KIAA2012: variants seen among roughly 807,000 people sequenced by gnomAD.
KIAA2012 encodes the protein uncharacterized protein KIAA2012.
Under a neutral mutation model 150.6 loss-of-function variants are expected in KIAA2012, and 125 were observed. The observed-to-expected ratio is 0.83, with a 90% confidence interval of 0.72 to 0.96. The LOEUF (loss-of-function observed/expected upper bound fraction) is 0.96, where lower values mean the gene tolerates loss of function less well. KIAA2012 is among the 40% of genes least tolerant of loss of function. The pLI is 0.00. For missense variants in KIAA2012, 1,219 were observed against 1,354.9 expected (o/e 0.90, Z 1.57); for synonymous variants, 462 against 504.7 (o/e 0.92, Z 1.13).
At chr2:202,177,484 C>A (rs1016765672) in intron 15 of KIAA2012, among the ~76,000 whole-genome samples, 2 of 152,156 alleles carry the variant, frequency 1.3e-5, no homozygotes, top group Non-Finnish European at 2.9e-5. Flanking sequence ...GATCAAGATG[C>A]AGGTTTCTTA....
chr2:202,204,767 C>T (rs1349824977), intron 23 of KIAA2012, among the ~76,000 whole-genome samples: 1 of 152,160 alleles, frequency 6.6e-6, no homozygotes, highest in Non-Finnish European at 1.5e-5. Flanking sequence ...AACAGTCAAA[C>T]ACTAGATAGT....
chr2:202,092,511 A>G (rs1483592608), intron 3 of KIAA2012, among the ~76,000 whole-genome samples: 2 of 152,230 alleles, frequency 1.3e-5, no homozygotes, highest in African/African-American at 4.8e-5. Flanking sequence ...ACAGAACACA[A>G]GAGAGCTTTG....
chr2:202,098,933 G>A (rs145662881), intron 5 of KIAA2012, among the ~76,000 whole-genome samples: 1 of 150,634 alleles, frequency 6.6e-6, no homozygotes, highest in African/African-American at 2.4e-5. Flanking sequence ...AAGGAGAAGA[G>A]GAAAGGGGGA....
In KIAA2012 at chr2:202,105,803, C is replaced by A. The variant is rs981652755; in HGVS notation, c.1367C>A (p.Ser456Tyr). 1 of 1,550,546 alleles carries A rather than the reference C, an allele frequency of 6.4e-7. No individual in the cohort carries two copies. Among genetic ancestry groups the A allele is most frequent in the African/African-American group, 1.4e-5 (1 of 73,046 alleles). The change falls in exon 9 of 24, where the codon TCC becomes TAC. Residue 456 changes from serine to tyrosine, a missense_variant. Ser to Tyr is a moderately radical substitution (Grantham distance 144). Coordinates refer to ENST00000498697, the MANE Select transcript of KIAA2012 (RefSeq NM_001277372.4). ...TCAGAACCAGAAAGCAGCGAAGAAT[C>A]CACACCTGTGTGGAGACCTCCCCTG... Reference protein sequence around the residue: ...PESEPESSEESTPVWRPPLKH... With the variant: ...PESEPESSEEYTPVWRPPLKH...
chr2:202,158,273 C>T (rs557049017), intron 14 of KIAA2012, among the ~76,000 whole-genome samples: 51 of 152,230 alleles, frequency 3.4e-4, no homozygotes, highest in Admixed American at 2.5e-3. Flanking sequence ...GGATTACAGG[C>T]GTGAGCCACC....
chr2:202,188,313 A>T, intron 18 of KIAA2012, 47 bp downstream of exon 18: 1 of 1,441,314 alleles, frequency 6.9e-7, no homozygotes, highest in South Asian at 1.3e-5. Context: ...GACTTCTGTT[A>T]GGGGTCGGGA....
intron 12 of KIAA2012, chr2:202,137,141 C>G (rs540412711): frequency 6.6e-6 from 1 of 152,284 alleles, no homozygotes; most frequent in Non-Finnish European, 1.5e-5. Flanking sequence ...GACAAAGATA[C>G]AGAGTCATAT....
intron 15 of KIAA2012, chr2:202,179,366 G>C: frequency 1.1e-6 from 1 of 882,088 alleles, no homozygotes. Context: ...GATTGAATAT[G>C]CTTTGGCTGC....
intron 15 of KIAA2012, among the ~76,000 whole-genome samples, chr2:202,183,439 C>A (rs1314282226): frequency 8.1e-6 from 1 of 123,702 alleles, no homozygotes; most frequent in Admixed American, 8.5e-5. Flanking sequence ...AAAAAGTTAA[C>A]ATTTGTTTTT....
At position 202,193,510 on chromosome 2, in the gene KIAA2012, T is replaced by G; in HGVS notation, c.3014+7T>G. ...GACGTACAGAAGAGATCCGGTAGGTTGGGCAAGCCAAAGAGACTACAGCCA... is the reference window on the plus strand; with the variant it reads ...GACGTACAGAAGAGATCCGGTAGGTGGGGCAAGCCAAAGAGACTACAGCCA... On this transcript the variant is annotated splice_region_variant and intron_variant, in intron 20 of 23. Coordinates refer to ENST00000498697, the MANE Select transcript of KIAA2012 (RefSeq NM_001277372.4). 1.3e-6 allele frequency: 2 copies of G among 1,549,646 alleles called. No individual in the cohort carries two copies. Among genetic ancestry groups the G allele is most frequent in the Admixed American group, 2.0e-5 (1 of 50,982 alleles).
chr2:202,181,889 T>TA (rs1328472272), intron 15 of KIAA2012, among the ~76,000 whole-genome samples: 4 of 152,084 alleles, frequency 2.6e-5, no homozygotes, highest in African/African-American at 9.7e-5. Flanking sequence ...TGACATACAA[T>TA]AAATTAGACC....
At chr2:202,089,921 C>T (rs774020606) in intron 2 of KIAA2012, among the ~76,000 whole-genome samples, 1 of 152,126 alleles carries the variant, frequency 6.6e-6, no homozygotes, top group Non-Finnish European at 1.5e-5. Flanking sequence ...ATAATTTATG[C>T]CTCAGTTTCA....
intron 2 of KIAA2012, among the ~76,000 whole-genome samples, chr2:202,080,370 G>T (rs774409138): frequency 3.9e-5 from 6 of 152,084 alleles, no homozygotes; most frequent in African/African-American, 9.6e-5. Flanking sequence ...TCATTCATTT[G>T]TTCCCTTGTA....
Position 202,073,328 on chromosome 2 carries a change from GA to G in KIAA2012, c.-299del, listed in dbSNP as rs1314289197. 4 of 311,764 alleles carry G rather than the reference GA, an allele frequency of 1.3e-5. No homozygotes were observed. In the East Asian group the frequency reaches 2.3e-4, roughly 18 times the overall value. The allele number at this position is 311,764 out of a possible 1,614,324, so 19.3% of individuals were successfully genotyped here. A position where few individuals can be genotyped will look rare whatever the true frequency, so the allele number is the denominator to read the frequency against. On this transcript the variant is annotated 5_prime_UTR_variant, in exon 1 of 24. It removes the in-frame stop codon of an upstream open reading frame in the 5' UTR. Coordinates refer to ENST00000498697, the MANE Select transcript of KIAA2012 (RefSeq NM_001277372.4). ...GGTAACAGAGCAACCGGGACCAAGG[GA>G]CAACAAGAGCTCAGGAGAAGGGGAG...
chr2:202,171,331 G>A (rs1294637545), intron 15 of KIAA2012, among the ~76,000 whole-genome samples: 4 of 152,182 alleles, frequency 2.6e-5, no homozygotes, highest in Non-Finnish European at 4.4e-5. Flanking sequence ...CAGCAGTGCG[G>A]CATCTGCGCC....
chr2:202,130,366 G>A (rs1191052850), intron 12 of KIAA2012, among the ~76,000 whole-genome samples: 1 of 152,148 alleles, frequency 6.6e-6, no homozygotes, highest in Non-Finnish European at 1.5e-5. Context: ...TTCATTTAGT[G>A]CATGATATGC....
intron 1 of KIAA2012, among the ~76,000 whole-genome samples, chr2:202,074,639 A>C (rs189949034): frequency 1.3e-5 from 2 of 152,320 alleles, no homozygotes; most frequent in Non-Finnish European, 2.9e-5. Context: ...AAGCTGAGTT[A>C]ATCCTCCAGC....
At chr2:202,130,917 A>AAAAT (rs1263712872) in intron 12 of KIAA2012, among the ~76,000 whole-genome samples, 6 of 121,950 alleles carry the variant, frequency 4.9e-5, no homozygotes, top group South Asian at 5.6e-4. Context: ...CTCCATCTCA[A>AAAAT]AAATAAATAA....
rs949045564 is a variant in KIAA2012 at position 202,194,265 on chromosome 2, A to G, written c.3090A>G (p.Lys1030=). The G allele has an allele frequency of 6.4e-6, 10 of 1,550,504 alleles. No individual in the cohort carries two copies. Among genetic ancestry groups the G allele is most frequent in the Non-Finnish European group, 8.7e-6 (10 of 1,147,004 alleles). ...EEERKQQLRL[K]AAQERARQQQ... ...AGAGAAAGCAGCAGCTCCGGTTGAA[A>G]GCAGCCCAGGAGAGAGCCCGGCAAC... Residue 1030 remains lysine, a synonymous_variant, in exon 21 of 24, where the codon AAA becomes AAG. Transcript: ENST00000498697.
Sources: allele counts gnomAD v4.1 joint callset (sites outside exome capture counted in the v4.1 genomes callset), GRCh38; gene constraint gnomAD v4.1.1; transcripts MANE v1.5; gene names NCBI Gene and HGNC (gene_info 2026-07-23, HGNC 2026-07-21).